Variants in SYN3 observed in about 807,000 individuals in gnomAD.
The protein encoded by SYN3 is synapsin III.
SYN3 carries 35 observed loss-of-function variants against 65.8 expected under a neutral mutation model. The observed-to-expected ratio is 0.53, with a 90% CI of 0.41 to 0.70. The LOEUF (loss-of-function observed/expected upper bound fraction) is 0.70, where lower values mean the gene tolerates loss of function less well. SYN3 is among the 30% of genes least tolerant of loss of function. The pLI is 0.00. For missense variants in SYN3, 680 were observed against 749.0 expected, an observed-to-expected ratio of 0.91 and a Z score of 1.08; for synonymous variants, 270 against 292.9, an observed-to-expected ratio of 0.92 and a Z score of 0.80.
intron 6 of SYN3, among the ~76,000 whole-genome samples, chr22:32,751,378 C>T (rs528891906): frequency 2.6e-5 from 4 of 152,152 alleles, no homozygotes; most frequent in South Asian, 2.1e-4. Context: ...AGGGGAAAGG[C>T]GAAAGTGCTT....
intron 8 of SYN3, among the ~76,000 whole-genome samples, chr22:32,540,888 A>G (rs911716594): frequency 1.3e-5 from 2 of 152,222 alleles, no homozygotes; most frequent in East Asian, 1.9e-4. Context: ...AGATTCATTT[A>G]CCAGTAGGGA....
chr22:32,710,632 C>CAAAAAAAA (rs57427060), intron 6 of SYN3, among the ~76,000 whole-genome samples: 12 of 74,990 alleles, frequency 1.6e-4, no homozygotes, highest in Admixed American at 4.7e-4. Flanking sequence ...GACTCTGTCT[C>CAAAAAAAA]AAAAAAAAAA....
rs1336013393 is a variant in SYN3 at position 32,513,550 on chromosome 22, G to A, written c.*142C>T. The A allele has an allele frequency of 7.3e-6, 8 of 1,093,650 alleles. No individual in the cohort carries two copies. The highest frequency in any genetic ancestry group is 4.7e-5 in the African/African-American group (3 of 63,956). 67.7% of individuals were successfully genotyped at this position (1,093,650 alleles called of 1,614,324 possible). ...AAAATGGGAACAAATATAGATAATC[G>A]GTTCCTGGGTCAAAGGCATTTAGAA... On this transcript the variant is annotated 3_prime_UTR_variant, in exon 14 of 14. Transcript: ENST00000358763.
At chr22:32,563,779 C>T (rs1972279) in intron 7 of SYN3, among the ~76,000 whole-genome samples, 8,007 of 152,254 alleles carry the variant, frequency 0.053, 404 homozygotes, top group East Asian at 0.24. Context: ...AAGCGATTCT[C>T]CTGCCTCAGC....
At chr22:33,053,229 C>A (rs552003428) in intron 1 of SYN3, among the ~76,000 whole-genome samples, 2 of 152,228 alleles carry the variant, frequency 1.3e-5, no homozygotes, top group Admixed American at 1.3e-4. Flanking sequence ...TCGAGACCAG[C>A]CTGACCAACA....
chr22:32,904,633 C>T (rs890573967), intron 4 of SYN3, among the ~76,000 whole-genome samples: 5 of 152,016 alleles, frequency 3.3e-5, no homozygotes, highest in Non-Finnish European at 7.4e-5. Context: ...TTTCGACCAT[C>T]TTCCAAACAG....
intron 6 of SYN3, among the ~76,000 whole-genome samples, chr22:32,640,645 T>C (rs2059882749): frequency 6.6e-6 from 1 of 151,926 alleles, no homozygotes; most frequent in Admixed American, 6.6e-5. Flanking sequence ...GGTGGGCGGG[T>C]CACAAGGTCA....
At position 32,509,872 on chromosome 22, in the gene SYN3, T is replaced by A. The variant is rs1293939728; in HGVS notation, c.*3820A>T. ...TGTGAGCCACTGCGCCTGGCCCCAG[T>A]GGGGAAATTATTTAAATGTGTTGGC... On this transcript the variant is annotated 3_prime_UTR_variant, in exon 14 of 14. Transcript: ENST00000358763. Among the ~76,000 whole-genome samples the A allele has an allele frequency of 6.6e-6, 1 of 151,914 alleles. No individual in the cohort carries two copies. The highest frequency in any genetic ancestry group is 1.5e-5 in the Non-Finnish European group (1 of 67,980).
At chr22:32,762,167 C>T (rs1016027240) in intron 6 of SYN3, among the ~76,000 whole-genome samples, 3 of 152,222 alleles carry the variant, frequency 2.0e-5, no homozygotes, top group Admixed American at 6.5e-5. Flanking sequence ...AGGATTTTAG[C>T]GCCATCTTGC....
chr22:32,927,411 G>A (rs1171093203), intron 4 of SYN3, among the ~76,000 whole-genome samples: 2 of 105,000 alleles, frequency 1.9e-5, no homozygotes, highest in African/African-American at 3.1e-5. Context: ...GAGGATTTCT[G>A]CTATTTTTTT....
intron 6 of SYN3, among the ~76,000 whole-genome samples, chr22:32,681,943 C>T (rs527961859): frequency 0.013 from 1,343 of 101,032 alleles, 23 homozygotes; most frequent in African/African-American, 0.038. Flanking sequence ...ACAGCTGTCA[C>T]GAAGCCACAT....
chr22:32,586,160 A>T (rs1040245452), intron 7 of SYN3, among the ~76,000 whole-genome samples: 4 of 151,424 alleles, frequency 2.6e-5, no homozygotes, highest in Non-Finnish European at 5.9e-5. Context: ...ATACACACAA[A>T]CACATGCACA....
At chr22:32,833,952 A>G (rs1397795113) in intron 6 of SYN3, 1 of 486,238 alleles carries the variant, frequency 2.1e-6, no homozygotes, top group Non-Finnish European at 4.1e-6. Flanking sequence ...ATAATTAGGG[A>G]AAGTGGGGAA....
intron 6 of SYN3, among the ~76,000 whole-genome samples, chr22:32,854,564 G>A (rs962031373): frequency 3.9e-5 from 6 of 152,142 alleles, no homozygotes; most frequent in African/African-American, 2.4e-5. Context: ...GAAGTTGCTC[G>A]GCACAGAAGT....
intron 6 of SYN3, among the ~76,000 whole-genome samples, chr22:32,814,133 TGTGTGTGTGAGAGAGAGAGA>T (rs2046995249): frequency 4.0e-5 from 3 of 75,622 alleles, no homozygotes; most frequent in African/African-American, 8.4e-5. Context: ...TGTGTGTGTG[TGTGTGTGTGAGAGAGAGAGA>T]GAGAGAGAGA....
At chr22:33,049,682 G>C (rs1482788694) in intron 1 of SYN3, among the ~76,000 whole-genome samples, 1 of 152,178 alleles carries the variant, frequency 6.6e-6, no homozygotes, top group Non-Finnish European at 1.5e-5. Flanking sequence ...GGAAGACAAA[G>C]AACAAAAACC....
chr22:32,539,503 TGTATACACGG>T (rs58218563), intron 8 of SYN3, among the ~76,000 whole-genome samples: 54,434 of 151,834 alleles, frequency 0.36, 10,217 homozygotes, highest in East Asian at 0.7. Context: ...TGGATATATG[TGTATACACGG>T]GTAAGGATAC....
intron 1 of SYN3, among the ~76,000 whole-genome samples, chr22:33,048,325 G>C (rs895924141): frequency 3.9e-5 from 6 of 152,074 alleles, no homozygotes; most frequent in Non-Finnish European, 8.8e-5. Flanking sequence ...ATAGCATGAG[G>C]GTATGGCAAC....
intron 6 of SYN3, among the ~76,000 whole-genome samples, chr22:32,768,807 T>A (rs2045692104): frequency 6.6e-6 from 1 of 152,228 alleles, no homozygotes; most frequent in African/African-American, 2.4e-5. Flanking sequence ...CTCACACTTC[T>A]CATATGTCCT....
Sources: gnomAD v4.1 joint callset for allele counts (sites outside exome capture counted in the v4.1 genomes callset) on GRCh38, gnomAD v4.1.1 for gene constraint, MANE v1.5 for transcripts, NCBI Gene and HGNC (gene_info 2026-07-23, HGNC 2026-07-21) for gene names.